EPS15L1: variants seen among roughly 807,000 people sequenced by gnomAD.
The protein encoded by EPS15L1 is epidermal growth factor receptor substrate 15-like 1.
In EPS15L1, 43 loss-of-function variants were observed where a neutral mutation model predicts 117.1. The ratio of observed to expected loss-of-function variants is 0.37; its 90% CI spans 0.29 to 0.47. EPS15L1 has a LOEUF of 0.47. EPS15L1 is among the 20% of genes least tolerant of loss of function. The pLI, the probability that EPS15L1 is intolerant of heterozygous loss-of-function variation, is 0.99. For missense variants in EPS15L1, 981 were observed against 1,164.0 expected (o/e 0.84, Z 2.29); for synonymous variants, 459 against 470.5 (o/e 0.98, Z 0.32).
chr19:16,355,910 G>C, intron 23 of EPS15L1, 59 bp from the exon 24 acceptor site: 1 of 1,519,604 alleles, frequency 6.6e-7, no homozygotes, highest in Non-Finnish European at 8.8e-7. Context: ...CTGCAAGCTG[G>C]AGGGAGGCAG....
intron 5 of EPS15L1, 62 bp from the exon 6 acceptor site, chr19:16,437,061 T>C (rs1599648038): frequency 6.8e-7 from 1 of 1,479,104 alleles, no homozygotes; most frequent in Non-Finnish European, 9.4e-7. Context: ...GGTGGGTGGG[T>C]TTGCTGAAAA....
chr19:16,465,213 C>T (rs1029423889), intron 1 of EPS15L1, among the ~76,000 whole-genome samples: 7 of 152,292 alleles, frequency 4.6e-5, no homozygotes, highest in East Asian at 1.9e-4. Context: ...ACACCAAACA[C>T]GCCCTCTCCT....
rs1304012793 is a variant in EPS15L1, at chr19:16,404,188, G to C, written c.1429-258C>G. Among the ~76,000 whole-genome samples, 1 of 152,136 alleles carries C rather than the reference G, an allele frequency of 6.6e-6. No homozygotes were observed. Among genetic ancestry groups the C allele is most frequent in the African/African-American group, 2.4e-5 (1 of 41,438 alleles). On this transcript the variant is annotated intron_variant, in intron 14 of 23. Coordinates refer to ENST00000455140, the MANE Select transcript of EPS15L1 (RefSeq NM_001258374.3). The surrounding 1 kb of genome is among the most constrained non-coding windows in gnomAD (Gnocchi z 4.2). ...AATAATGAGGGGCATGACCAAGCAC[G>C]AACAATCTGTCCATCCCCCCAGAGG...
At chr19:16,468,117 A>G (rs1047700797) in intron 1 of EPS15L1, among the ~76,000 whole-genome samples, 1 of 152,146 alleles carries the variant, frequency 6.6e-6, no homozygotes, top group African/African-American at 2.4e-5. Flanking sequence ...CGGAAGGTAC[A>G]AGGGAGAGAA....
chr19:16,463,993 G>A (rs921788319), intron 1 of EPS15L1, among the ~76,000 whole-genome samples: 1 of 152,258 alleles, frequency 6.6e-6, no homozygotes, highest in African/African-American at 2.4e-5. Flanking sequence ...ACAGAGCAGA[G>A]GGAATGAGGA....
At chr19:16,386,784 T>C (rs2092424807) in intron 19 of EPS15L1, among the ~76,000 whole-genome samples, 1 of 152,250 alleles carries the variant, frequency 6.6e-6, no homozygotes, top group Non-Finnish European at 1.5e-5. Flanking sequence ...CGAGGCAGCC[T>C]GTAGCTGAGG....
intron 7 of EPS15L1, 50 bp downstream of exon 7, chr19:16,434,314 CA>C (rs1226497462): frequency 1.3e-6 from 2 of 1,592,846 alleles, no homozygotes; most frequent in Non-Finnish European, 1.7e-6. Context: ...GTGGCGCCCA[CA>C]CACAGCAGGG....
chr19:16,412,802 G>A (rs945133590), intron 13 of EPS15L1: 23 of 452,414 alleles, frequency 5.1e-5, no homozygotes, highest in Admixed American at 1.4e-4. Flanking sequence ...GGCTGGGGTC[G>A]CGGCCGTGGA....
At chr19:16,454,364 GC>G (rs1029446047) in intron 1 of EPS15L1, among the ~76,000 whole-genome samples, 1 of 152,144 alleles carries the variant, frequency 6.6e-6, no homozygotes, top group African/African-American at 2.4e-5. Context: ...GTATCCTATC[GC>G]CCCGCTACTG....
At chr19:16,377,814 C>A (rs187348598) in intron 21 of EPS15L1, among the ~76,000 whole-genome samples, 1 of 152,188 alleles carries the variant, frequency 6.6e-6, no homozygotes, top group Non-Finnish European at 1.5e-5. Context: ...GGTGGAAGTG[C>A]ATCCTCACAT....
intron 9 of EPS15L1, among the ~76,000 whole-genome samples, 159 bp downstream of exon 9, chr19:16,424,924 G>C (rs1461057752): frequency 6.6e-6 from 1 of 152,140 alleles, no homozygotes; most frequent in Non-Finnish European, 1.5e-5. Context: ...GCCTCCCAAA[G>C]TGCTGGGATT....
In EPS15L1 at chr19:16,394,011, AGAG is replaced by A; in HGVS notation, c.1916-13_1916-11del. ...TTCTGGAACGGGTCGCCTGGTTGGA[AGAG>A]GAGAGAAATGCTTATTAGCTCTAGG... On this transcript the variant is annotated splice_polypyrimidine_tract_variant and intron_variant, in intron 17 of 23. Transcript: ENST00000455140. 6.2e-7 allele frequency: 1 copy of A among 1,613,990 alleles called. No individual in the cohort carries two copies. Among genetic ancestry groups the A allele is most frequent in the African/African-American group, 1.3e-5 (1 of 75,042 alleles).
chr19:16,401,042 C>T (rs2092595560), intron 16 of EPS15L1: 6 of 985,230 alleles, frequency 6.1e-6, no homozygotes, highest in South Asian at 4.7e-5. Flanking sequence ...GGGAGCAAAG[C>T]GAGGAGTTCT....
chr19:16,400,988 G>C lies in EPS15L1; in HGVS notation c.1791+1333C>G, dbSNP rs142223385. On this transcript the variant is annotated intron_variant, in intron 16 of 23. Coordinates refer to ENST00000455140, the MANE Select transcript of EPS15L1 (RefSeq NM_001258374.3). ...GGGACAATGCCAGATGGGGAAAGTA[G>C]GAGCCGGGTTGTGAGACGGAAACAC... 231 of 985,504 alleles carry C rather than the reference G, an allele frequency of 2.3e-4. 2 individuals are homozygous for C. In the Middle Eastern group the frequency reaches 4.7e-3, roughly 20 times the overall value. 61.0% of individuals were successfully genotyped at this position (985,504 alleles called of 1,614,324 possible).
In EPS15L1 at chr19:16,404,845, C is replaced by T; in HGVS notation, c.1267-96G>A. On this transcript the variant is annotated intron_variant, in intron 13 of 23. Transcript: ENST00000455140. This position sits in a 1 kb window ranked among gnomAD's most constrained non-coding sequence, Gnocchi z 4.2. ...CCTGGGCCAGAAGTCCAGGGGAAGC[C>T]TCCGAAACCACCCACTGTGACCGTG... The T allele has an allele frequency of 7.3e-7, 1 of 1,362,116 alleles. No homozygotes were observed. The highest frequency in any genetic ancestry group is 1.0e-6 in the Non-Finnish European group (1 of 979,428). 84.4% of individuals were successfully genotyped at this position (1,362,116 alleles called of 1,614,324 possible).
At position 16,381,913 on chromosome 19, in the gene EPS15L1, G is replaced by T. The variant is rs375804390; in HGVS notation, c.2247+3216C>A. Among the ~76,000 whole-genome samples the T allele has an allele frequency of 1.9e-3, 289 of 152,356 alleles. 6 individuals are homozygous for T. In the South Asian group the frequency reaches 0.053, roughly 28 times the overall value. On this transcript the variant is annotated intron_variant, in intron 21 of 23. Coordinates refer to ENST00000455140, the MANE Select transcript of EPS15L1 (RefSeq NM_001258374.3). The surrounding 1 kb of genome is among the most constrained non-coding windows in gnomAD (Gnocchi z 4.2). ...ACCGGCTGGGCCTTGTCCTCCCTGGGCATGTGCTGGCTTCTGGGCCACATC... is the reference window on the plus strand; with the variant it reads ...ACCGGCTGGGCCTTGTCCTCCCTGGTCATGTGCTGGCTTCTGGGCCACATC...
chr19:16,401,196 G>GGT, intron 16 of EPS15L1: 1 of 985,274 alleles, frequency 1.0e-6, no homozygotes, highest in Non-Finnish European at 1.2e-6. Context: ...AGAGGGAGGC[G>GGT]GTGCACCCAG....
intron 9 of EPS15L1, among the ~76,000 whole-genome samples, chr19:16,423,202 G>T (rs2092835098): frequency 6.6e-6 from 1 of 152,196 alleles, no homozygotes; most frequent in South Asian, 2.1e-4. Flanking sequence ...GATCAGCTTA[G>T]TTCAGGGGTT....
rs1354287707 is a variant in EPS15L1, at chr19:16,403,792, G to T, written c.1567C>A (p.Arg523=). ...TQLEQSIQAG[R]VQLETIIKSL... ...TTGATGATGGTTTCCAGCTGGACTC[G>T]CCCAGCCTGAATGCTCTGCTCCAGC... The change falls in exon 15 of 24, where the codon CGA becomes AGA. Residue 523 remains arginine, a synonymous_variant. Coordinates refer to ENST00000455140, the MANE Select transcript of EPS15L1 (RefSeq NM_001258374.3). The T allele has an allele frequency of 6.2e-7, 1 of 1,613,894 alleles. No homozygotes were observed. Among genetic ancestry groups the T allele is most frequent in the South Asian group, 1.1e-5 (1 of 91,076 alleles).
Sources: allele counts gnomAD v4.1 joint callset (sites outside exome capture counted in the v4.1 genomes callset), GRCh38; gene constraint gnomAD v4.1.1; non-coding constraint Gnocchi (gnomAD v3.1); transcripts MANE v1.5; gene names NCBI Gene and HGNC (gene_info 2026-07-23, HGNC 2026-07-21).